The following TMEM178A variants were observed in gnomAD, a reference collection of about 807,000 sequenced individuals.
TMEM178A encodes transmembrane protein 178.
In TMEM178A, 12 loss-of-function variants were observed where a neutral mutation model predicts 29.1. That is an observed-to-expected ratio of 0.41 (90% CI 0.26 to 0.67). TMEM178A has a LOEUF of 0.67. Among genes scored for constraint, TMEM178A ranks in the 30% least tolerant of loss-of-function variants. TMEM178A has a pLI of 0.29. For synonymous variants in TMEM178A, 210 were observed against 187.2 expected, an observed-to-expected ratio of 1.12 and a Z score of -0.99; for missense variants, 366 against 419.1, an observed-to-expected ratio of 0.87 and a Z score of 1.11.
chr2:39,702,830 T>G (rs1460882579), intron 1 of TMEM178A, among the ~76,000 whole-genome samples: 1 of 152,248 alleles, frequency 6.6e-6, no homozygotes, highest in African/African-American at 2.4e-5. Flanking sequence ...CTTGGGATGC[T>G]TGTTAAAATT....
intron 1 of TMEM178A, among the ~76,000 whole-genome samples, chr2:39,678,239 C>G (rs548690585): frequency 6.6e-6 from 1 of 152,122 alleles, no homozygotes; most frequent in South Asian, 2.1e-4. Flanking sequence ...TATATACCCC[C>G]AAAAGTTGAA....
chr2:39,717,295 G>T lies in TMEM178A; in HGVS notation c.*44G>T. The T allele has an allele frequency of 2.5e-6, 4 of 1,591,354 alleles. No individual in the cohort carries two copies. The highest frequency in any genetic ancestry group is 3.4e-6 in the Non-Finnish European group (4 of 1,167,896). On this transcript the variant is annotated 3_prime_UTR_variant, in exon 4 of 4. Transcript: ENST00000281961. Reference sequence around the variant, plus strand: ...TCCACAGTGCGAGCGACTCCTGAGGGGAACAGCGCGGAGTTCAGGAGTCCA... The same window carrying T: ...TCCACAGTGCGAGCGACTCCTGAGGTGAACAGCGCGGAGTTCAGGAGTCCA...
intron 1 of TMEM178A, among the ~76,000 whole-genome samples, chr2:39,694,271 G>A (rs1352152839): frequency 2.6e-5 from 4 of 151,996 alleles, no homozygotes; most frequent in African/African-American, 9.7e-5. Flanking sequence ...ATGTATTGGT[G>A]CTCAGAGAGG....
chr2:39,676,438 C>T (rs985528694), intron 1 of TMEM178A, among the ~76,000 whole-genome samples: 1 of 152,186 alleles, frequency 6.6e-6, no homozygotes, highest in Non-Finnish European at 1.5e-5. Flanking sequence ...AGCTAGGAAA[C>T]GGAAGAAGCC....
At chr2:39,714,013 A>G (rs1672427486) in intron 3 of TMEM178A, among the ~76,000 whole-genome samples, 1 of 152,202 alleles carries the variant, frequency 6.6e-6, no homozygotes, top group South Asian at 2.1e-4. Flanking sequence ...ATCATCACAC[A>G]TTCCTGCCCA....
At chr2:39,698,323 G>T (rs996689209) in intron 1 of TMEM178A, among the ~76,000 whole-genome samples, 1 of 152,194 alleles carries the variant, frequency 6.6e-6, no homozygotes, top group African/African-American at 2.4e-5. Flanking sequence ...CTCATTTAGT[G>T]TAGTTAATAA....
chr2:39,722,787 C>T (rs537524015), downstream of TMEM178A, among the ~76,000 whole-genome samples: 1 of 152,294 alleles, frequency 6.6e-6, no homozygotes, highest in East Asian at 1.9e-4. Context: ...TCCTAATGAA[C>T]AGACCATTGT....
chr2:39,685,928 A>G lies in TMEM178A; in HGVS notation c.401-18153A>G, dbSNP rs148682758. Among the ~76,000 whole-genome samples, 441 of 152,322 alleles carry G rather than the reference A, an allele frequency of 2.9e-3. 5 individuals are homozygous for G. Among genetic ancestry groups the G allele is most frequent in the African/African-American group, 0.01 (418 of 41,570 alleles). ...GAGCTTGTGTTTGTTTGTGTGTCTC[A>G]GGAAGTGTTTTGGCTTACTGTGGGT... On this transcript the variant is annotated intron_variant, in intron 1 of 3. Transcript: ENST00000281961.
Position 39,707,159 on chromosome 2 carries a change from G to A in TMEM178A, c.625G>A (p.Val209Met). The A allele has an allele frequency of 6.2e-7, 1 of 1,613,790 alleles. No homozygotes were observed. Among genetic ancestry groups the A allele is most frequent in the Non-Finnish European group, 8.5e-7 (1 of 1,179,876 alleles). The change falls in exon 3 of 4, where the codon GTG becomes ATG. Residue 209 changes from valine (V) to methionine (M), a missense_variant. By Grantham distance (21) the Val-to-Met change is conservative (BLOSUM62 1). Around this residue, in one of 2 missense-constraint regions of TMEM178A, gnomAD observed 119 missense variants for 172.2 expected, o/e 0.69. Coordinates refer to ENST00000281961, the MANE Select transcript of TMEM178A (RefSeq NM_152390.3). ...CTGGGAGGAGAGCTTGACCCAGCAC[G>A]TGGCTGGACTCCTGTTCCTCATGAC... ...FFWEESLTQH[V>M]AGLLFLMTGI...
chr2:39,685,122 C>T (rs930645260), intron 1 of TMEM178A, among the ~76,000 whole-genome samples: 1 of 152,206 alleles, frequency 6.6e-6, no homozygotes, highest in Non-Finnish European at 1.5e-5. Flanking sequence ...CTGGTGACTT[C>T]CATTGGGGTT....
At chr2:39,667,538 C>T (rs115889234) in intron 1 of TMEM178A, among the ~76,000 whole-genome samples, 98 of 152,042 alleles carry the variant, frequency 6.4e-4, no homozygotes, top group African/African-American at 2.2e-3. Flanking sequence ...ATTTAGTAGC[C>T]ATGTAGGAAA....
At chr2:39,671,426 AC>A (rs1332669020) in intron 1 of TMEM178A, among the ~76,000 whole-genome samples, 1 of 152,202 alleles carries the variant, frequency 6.6e-6, no homozygotes, top group Admixed American at 6.5e-5. Context: ...AGAAACCAGC[AC>A]CGTCTCTCCT....
chr2:39,676,521 G>A (rs1292709625), intron 1 of TMEM178A, among the ~76,000 whole-genome samples: 4 of 152,136 alleles, frequency 2.6e-5, no homozygotes, highest in Non-Finnish European at 5.9e-5. Flanking sequence ...ACTTCCCACC[G>A]GTCTCATTGG....
intron 1 of TMEM178A, among the ~76,000 whole-genome samples, chr2:39,683,437 G>A (rs955244186): frequency 6.6e-6 from 1 of 152,168 alleles, no homozygotes; most frequent in African/African-American, 2.4e-5. Context: ...TATTTTCTGG[G>A]CAGTCACGGA....
chr2:39,729,231 G>A, the TMEM178A span, among the ~76,000 whole-genome samples: 1 of 152,212 alleles, frequency 6.6e-6, no homozygotes, highest in Non-Finnish European at 1.5e-5. Context: ...ACCATAGCTT[G>A]CACCATGGAT....
chr2:39,668,964 A>G (rs1240500052), intron 1 of TMEM178A, among the ~76,000 whole-genome samples: 1 of 152,224 alleles, frequency 6.6e-6, no homozygotes, highest in East Asian at 1.9e-4. Flanking sequence ...TGGCTGTGGT[A>G]TGAATTTCTT....
chr2:39,677,603 G>A (rs1670683532), intron 1 of TMEM178A, among the ~76,000 whole-genome samples: 1 of 152,038 alleles, frequency 6.6e-6, no homozygotes, highest in Non-Finnish European at 1.5e-5. Flanking sequence ...TGACAAGCTG[G>A]AAGACCTGGG....
At chr2:39,726,800 G>A in the TMEM178A span, among the ~76,000 whole-genome samples, 5 of 152,110 alleles carry the variant, frequency 3.3e-5, no homozygotes, top group Non-Finnish European at 7.4e-5. Context: ...AATGTGTAAG[G>A]GTTGGGGGTG....
At chr2:39,703,551 T>C (rs1403437812) in intron 1 of TMEM178A, among the ~76,000 whole-genome samples, 1 of 152,216 alleles carries the variant, frequency 6.6e-6, no homozygotes, top group African/African-American at 2.4e-5. Flanking sequence ...AGTATAACTG[T>C]ATTAAGGAAT....
Sources: gnomAD v4.1 joint callset for allele counts (sites outside exome capture counted in the v4.1 genomes callset) on GRCh38, gnomAD v4.1.1 for gene constraint, gnomAD v4.1.1 regional missense constraint, MANE v1.5 for transcripts, NCBI Gene and HGNC (gene_info 2026-07-23, HGNC 2026-07-21) for gene names.